AGK: variants seen among roughly 807,000 people sequenced by gnomAD.
AGK encodes acylglycerol kinase, mitochondrial.
Under a neutral mutation model 66.4 loss-of-function variants are expected in AGK, and 52 were observed. The observed-to-expected ratio is 0.78, with a 90% CI of 0.63 to 0.99. AGK has a LOEUF of 0.99. Ranked by LOEUF, AGK falls within the 50% of genes least tolerant of loss-of-function variation. The pLI, the probability that AGK is intolerant of heterozygous loss-of-function variation, is 0.00. For synonymous variants in AGK, 182 were observed against 181.1 expected (o/e 1.00, Z -0.04); for missense variants, 451 against 506.6 (o/e 0.89, Z 1.05).
chr7:141,586,573 A>G (rs1795998760), intron 2 of AGK, among the ~76,000 whole-genome samples: 2 of 152,212 alleles, frequency 1.3e-5, no homozygotes, highest in Non-Finnish European at 2.9e-5. Flanking sequence ...TCTATAATCT[A>G]GGAAGGAAAA....
intron 9 of AGK, 97 bp downstream of exon 9, chr7:141,621,898 G>T: frequency 1.2e-6 from 1 of 853,346 alleles, no homozygotes; most frequent in African/African-American, 1.7e-5. Context: ...AGGTTATAAT[G>T]AAAACAATAG....
At position 141,579,370 on chromosome 7, in the gene AGK, T is replaced by C. The variant is rs139659964; in HGVS notation, c.102-13776T>C. Reference sequence around the variant, plus strand: ...TGAGAAACTGCTTGGGTGATTTGACTAGTAAAGGCCGGTCTGTTATTGGAC... The same window carrying C: ...TGAGAAACTGCTTGGGTGATTTGACCAGTAAAGGCCGGTCTGTTATTGGAC... On this transcript the variant is annotated intron_variant, in intron 2 of 15. Coordinates refer to ENST00000649286, the MANE Select transcript of AGK (RefSeq NM_018238.4). Among the ~76,000 whole-genome samples the C allele has an allele frequency of 8.4e-3, 1,284 of 151,968 alleles. 27 individuals carry two copies. The highest frequency in any genetic ancestry group is 0.027 in the African/African-American group (1,132 of 41,292).
At position 141,652,789 on chromosome 7, in the gene AGK, AG is replaced by A; in HGVS notation, c.1135del (p.Ala379GlnfsTer19). On this transcript the variant is annotated frameshift_variant, in exon 16 of 16. Transcript: ENST00000649286. LOFTEE classifies it high-confidence loss of function. ...TCTGAATATTCTCTTCTCCCCAGGG[AG>A]CAGGGGGCTCTTTTAGCATTGACAG... ...SQCTLLIPEG[A>X]GGSFSIDSEE... 1.2e-6 allele frequency: 2 copies of A among 1,612,970 alleles called. No individual in the cohort carries two copies. Among genetic ancestry groups the A allele is most frequent in the Non-Finnish European group, 1.7e-6 (2 of 1,179,970 alleles).
Position 141,555,437 on chromosome 7 carries a change from G to T in AGK, c.-14-16G>T, listed in dbSNP as rs377689767. 6 of 1,548,076 alleles carry T rather than the reference G, an allele frequency of 3.9e-6. No homozygotes were observed. Among genetic ancestry groups the T allele is most frequent in the Admixed American group, 3.5e-5 (2 of 57,508 alleles). On this transcript the variant is annotated splice_polypyrimidine_tract_variant and intron_variant, in intron 1 of 15. Transcript: ENST00000649286. This position sits in a 1 kb window ranked among gnomAD's most constrained non-coding sequence, Gnocchi z 4.2. ...ATAAATTATATTTTTTTCTCTTTCC[G>T]CCTCTACTAACCTAGCAAATCTCTA...
intron 9 of AGK, 78 bp from the exon 10 acceptor site, chr7:141,633,823 C>A: frequency 7.8e-7 from 1 of 1,287,026 alleles, no homozygotes. Context: ...AGGCCATGAA[C>A]ATTTGCTGAG....
intron 5 of AGK, among the ~76,000 whole-genome samples, chr7:141,601,761 C>G (rs1796348708): frequency 6.6e-6 from 1 of 152,114 alleles, no homozygotes; most frequent in Non-Finnish European, 1.5e-5. Flanking sequence ...AGGAATTGTA[C>G]TATTTCGAAG....
In AGK at chr7:141,633,908, AG is replaced by A; in HGVS notation, c.598del (p.Glu200AsnfsTer7). ...AATGTATTTAACTTCCAGGGTGAAA[AG>A]GAACAGCCTGTATTTGCAATGACCG... is the stretch of plus-strand genomic sequence containing the variant. ...PLDVLQIKGEKEQPVFAMTGL... is the reference protein window; with the variant it reads ...PLDVLQIKGEXEQPVFAMTGL... On this transcript the variant is annotated frameshift_variant, in exon 10 of 16. Coordinates refer to ENST00000649286, the MANE Select transcript of AGK (RefSeq NM_018238.4). LOFTEE classifies it high-confidence loss of function. 6.2e-7 allele frequency: 1 copy of A among 1,613,658 alleles called. No individual in the cohort carries two copies. The highest frequency in any genetic ancestry group is 8.5e-7 in the Non-Finnish European group (1 of 1,179,570).
rs749399502 is a variant in AGK, at chr7:141,636,961, T to C, written c.670T>C (p.Tyr224His). The C allele has an allele frequency of 1.3e-5, 21 of 1,612,038 alleles. No individual in the cohort carries two copies. Among genetic ancestry groups the C allele is most frequent in the Non-Finnish European group, 1.7e-5 (20 of 1,178,834 alleles). ...FRDAGVKVSK[Y>H]WYLGPLKIKA... is the part of the protein sequence containing the mutation. ...ATTTTTATCTTGGTCTTTTCACAGG[T>C]ACTGGTATCTTGGGCCTCTAAAAAT... Residue 224 changes from tyrosine (Y) to histidine (H), a missense_variant and splice_region_variant, in exon 11 of 16, where the codon TAC becomes CAC. Physicochemically the swap from Tyr to His is moderately conservative, Grantham distance 83 (BLOSUM62 2). Transcript: ENST00000649286.
intron 3 of AGK, 153 bp downstream of exon 3, chr7:141,593,338 C>T: frequency 1.4e-6 from 1 of 731,284 alleles, no homozygotes; most frequent in Non-Finnish European, 2.4e-6. Flanking sequence ...GGAGCCAACT[C>T]TGAGTAGAAC....
At chr7:141,635,555 T>C (rs576154827) in intron 10 of AGK, among the ~76,000 whole-genome samples, 1 of 152,342 alleles carries the variant, frequency 6.6e-6, no homozygotes, top group African/African-American at 2.4e-5. Context: ...TGTTTCTGCA[T>C]TCCCTCTTGG....
chr7:141,569,361 C>T (rs1434506918), intron 2 of AGK, among the ~76,000 whole-genome samples: 1 of 151,920 alleles, frequency 6.6e-6, no homozygotes, highest in Non-Finnish European at 1.5e-5. Flanking sequence ...TGGTGAAACC[C>T]CGTCTTTAAT....
At chr7:141,630,504 C>T (rs1238615934) in intron 9 of AGK, among the ~76,000 whole-genome samples, 2 of 151,698 alleles carry the variant, frequency 1.3e-5, no homozygotes, top group Non-Finnish European at 2.9e-5. Flanking sequence ...TACATTGTAC[C>T]CCATAAACAT....
At chr7:141,629,412 G>T (rs1420130082) in intron 9 of AGK, among the ~76,000 whole-genome samples, 1 of 152,056 alleles carries the variant, frequency 6.6e-6, no homozygotes, top group South Asian at 2.1e-4. Flanking sequence ...TTTGTTTACT[G>T]ACCCAACCAT....
At chr7:141,608,939 A>G (rs1016336561) in intron 5 of AGK, among the ~76,000 whole-genome samples, 1 of 152,178 alleles carries the variant, frequency 6.6e-6, no homozygotes, top group African/African-American at 2.4e-5. Flanking sequence ...ATTCCTCATG[A>G]TCACTTATTT....
At chr7:141,643,591 G>A (rs940976786) in intron 13 of AGK, among the ~76,000 whole-genome samples, 2 of 152,012 alleles carry the variant, frequency 1.3e-5, no homozygotes, top group African/African-American at 4.8e-5. Context: ...AATGAGAAAT[G>A]GGCAAAGGAC....
intron 2 of AGK, among the ~76,000 whole-genome samples, chr7:141,561,198 T>A (rs1204041898): frequency 1.3e-5 from 2 of 152,228 alleles, no homozygotes; most frequent in Non-Finnish European, 2.9e-5. Context: ...GGTTCCATAT[T>A]TCTGCAATTG....
At chr7:141,647,534 T>C (rs1008357554) in intron 13 of AGK, among the ~76,000 whole-genome samples, 1 of 152,164 alleles carries the variant, frequency 6.6e-6, no homozygotes, top group Non-Finnish European at 1.5e-5. Context: ...TTAGGGGTTC[T>C]CAAAGTCCAG....
intron 4 of AGK, among the ~76,000 whole-genome samples, chr7:141,600,564 A>G (rs1400468188): frequency 6.6e-6 from 1 of 152,190 alleles, no homozygotes; most frequent in Middle Eastern, 3.2e-3. Flanking sequence ...CTTAGTAAGT[A>G]CTTTCTAATT....
At chr7:141,608,868 C>A (rs1024316471) in intron 5 of AGK, among the ~76,000 whole-genome samples, 11 of 152,268 alleles carry the variant, frequency 7.2e-5, no homozygotes, top group African/African-American at 2.2e-4. Context: ...TGTAGCTAAT[C>A]TGTCAAAGAA....
Sources: gnomAD v4.1 joint callset for allele counts (sites outside exome capture counted in the v4.1 genomes callset) on GRCh38, gnomAD v4.1.1 for gene constraint, Gnocchi (gnomAD v3.1) non-coding constraint, MANE v1.5 for transcripts, NCBI Gene and HGNC (gene_info 2026-07-23, HGNC 2026-07-21) for gene names.